ZNF804B: variants seen among roughly 807,000 people sequenced by gnomAD.
ZNF804B encodes the protein zinc finger protein 804B.
In ZNF804B, 80 loss-of-function variants were observed where a neutral mutation model predicts 101.4. The observed-to-expected ratio is 0.79, with a 90% confidence interval of 0.66 to 0.95. The LOEUF (loss-of-function observed/expected upper bound fraction) is 0.95. Among genes scored for constraint, ZNF804B ranks in the 40% least tolerant of loss-of-function variants. The pLI, the probability that ZNF804B is intolerant of heterozygous loss-of-function variation, is 0.00. For missense variants in ZNF804B, 1,673 were observed against 1,561.9 expected, an observed-to-expected ratio of 1.07 and a Z score of -1.20; for synonymous variants, 622 against 558.8, an observed-to-expected ratio of 1.11 and a Z score of -1.59.
chr7:88,849,179 A>C (rs1791416465), intron 1 of ZNF804B, among the ~76,000 whole-genome samples: 1 of 152,096 alleles, frequency 6.6e-6, no homozygotes, highest in Non-Finnish European at 1.5e-5. Flanking sequence ...CTCATCAGGC[A>C]CATTTCCCAA....
intron 1 of ZNF804B, among the ~76,000 whole-genome samples, chr7:89,096,897 T>C (rs1789979234): frequency 6.6e-6 from 1 of 152,212 alleles, no homozygotes; most frequent in Non-Finnish European, 1.5e-5. Flanking sequence ...CGGTGAGCTG[T>C]AAACCTTCTC....
At chr7:89,213,996 C>G (rs1444813519) in intron 1 of ZNF804B, among the ~76,000 whole-genome samples, 1 of 152,078 alleles carries the variant, frequency 6.6e-6, no homozygotes, top group Non-Finnish European at 1.5e-5. Flanking sequence ...TTACTCTAGT[C>G]AACACTAGCC....
chr7:88,824,587 G>A (rs537561042), intron 1 of ZNF804B, among the ~76,000 whole-genome samples: 1 of 152,112 alleles, frequency 6.6e-6, no homozygotes, highest in African/African-American at 2.4e-5. Flanking sequence ...ACCTTATCTA[G>A]CACCTTCAAA....
intron 2 of ZNF804B, among the ~76,000 whole-genome samples, chr7:89,314,460 A>G (rs958230199): frequency 6.6e-6 from 1 of 152,182 alleles, no homozygotes; most frequent in African/African-American, 2.4e-5. Context: ...TCTCAATGGA[A>G]TCCCACTGCT....
At chr7:89,261,821 C>T (rs929318490) in intron 2 of ZNF804B, among the ~76,000 whole-genome samples, 2 of 152,098 alleles carry the variant, frequency 1.3e-5, no homozygotes, top group Admixed American at 1.3e-4. Context: ...ATTATGGGAC[C>T]ATTGTTGTAC....
At chr7:88,921,769 T>C (rs1451686977) in intron 1 of ZNF804B, among the ~76,000 whole-genome samples, 1 of 152,058 alleles carries the variant, frequency 6.6e-6, no homozygotes. Context: ...AAAGTCTTTC[T>C]TTCCCAGGGA....
At chr7:89,139,532 A>C (rs2116390917) in intron 1 of ZNF804B, among the ~76,000 whole-genome samples, 1 of 152,232 alleles carries the variant, frequency 6.6e-6, no homozygotes, top group African/African-American at 2.4e-5. Flanking sequence ...TTATTAACTA[A>C]ATTGAGGTAA....
intron 1 of ZNF804B, among the ~76,000 whole-genome samples, chr7:88,815,381 A>G (rs769456567): frequency 7.1e-6 from 1 of 140,120 alleles, no homozygotes; most frequent in Non-Finnish European, 1.5e-5. Context: ...TTTCAAGTCA[A>G]GTTTTTTCCA....
intron 1 of ZNF804B, among the ~76,000 whole-genome samples, chr7:89,122,807 A>C (rs1025777719): frequency 1.3e-5 from 2 of 152,084 alleles, no homozygotes; most frequent in Non-Finnish European, 1.5e-5. Flanking sequence ...CCTTCATACA[A>C]ATTTACATTA....
intron 1 of ZNF804B, among the ~76,000 whole-genome samples, chr7:88,960,155 GTTTA>G (rs1459377289): frequency 1.3e-5 from 2 of 151,214 alleles, no homozygotes; most frequent in Non-Finnish European, 3.0e-5. Flanking sequence ...TGTTACAGTT[GTTTA>G]TTCAATTATT....
chr7:89,154,610 C>T (rs1332990402), intron 1 of ZNF804B, among the ~76,000 whole-genome samples: 1 of 152,080 alleles, frequency 6.6e-6, no homozygotes, highest in Non-Finnish European at 1.5e-5. Context: ...AAGCTACCCA[C>T]AGAAAGACAA....
chr7:89,170,277 G>A (rs1369397340), intron 1 of ZNF804B, among the ~76,000 whole-genome samples: 1 of 152,156 alleles, frequency 6.6e-6, no homozygotes, highest in Non-Finnish European at 1.5e-5. Context: ...AGGCCACAGT[G>A]ATACTTTAAG....
At chr7:88,856,517 G>T (rs1208356969) in intron 1 of ZNF804B, among the ~76,000 whole-genome samples, 2 of 152,064 alleles carry the variant, frequency 1.3e-5, no homozygotes, top group Non-Finnish European at 2.9e-5. Context: ...CTGAGACAAT[G>T]GGGTTTTCTA....
At chr7:89,208,176 G>C (rs1788743871) in intron 1 of ZNF804B, among the ~76,000 whole-genome samples, 1 of 150,464 alleles carries the variant, frequency 6.6e-6, no homozygotes, top group South Asian at 2.1e-4. Flanking sequence ...CTGCCTCCCA[G>C]GTTCATGCCG....
intron 2 of ZNF804B, among the ~76,000 whole-genome samples, chr7:89,313,916 C>T (rs1052380129): frequency 2.6e-5 from 4 of 152,094 alleles, no homozygotes. Flanking sequence ...AGCCTATCTG[C>T]TTTGTCGTTT....
At chr7:89,305,398 T>C (rs112540931) in intron 2 of ZNF804B, among the ~76,000 whole-genome samples, 2,897 of 152,072 alleles carry the variant, frequency 0.019, 80 homozygotes, top group African/African-American at 0.066. Flanking sequence ...AAGAAATTAC[T>C]ACATCATATA....
At chr7:89,060,450 C>G (rs1203459163) in intron 1 of ZNF804B, among the ~76,000 whole-genome samples, 2 of 152,218 alleles carry the variant, frequency 1.3e-5, no homozygotes, top group African/African-American at 4.8e-5. Context: ...CAGAAAATCA[C>G]TTAATTGAAA....
intron 1 of ZNF804B, among the ~76,000 whole-genome samples, chr7:88,944,511 A>C (rs548225163): frequency 6.6e-6 from 1 of 151,930 alleles, no homozygotes; most frequent in East Asian, 1.9e-4. Flanking sequence ...ACACATACAT[A>C]TGTAGCCATG....
At chr7:88,930,930 A>C (rs1029029116) in intron 1 of ZNF804B, among the ~76,000 whole-genome samples, 7 of 151,886 alleles carry the variant, frequency 4.6e-5, no homozygotes, top group Admixed American at 3.3e-4. Flanking sequence ...TCCTTCCTGT[A>C]ATCAGTAGCT....
Sources: allele counts gnomAD v4.1 joint callset (sites outside exome capture counted in the v4.1 genomes callset), GRCh38; gene constraint gnomAD v4.1.1; transcripts MANE v1.5; gene names NCBI Gene and HGNC (gene_info 2026-07-23, HGNC 2026-07-21).